Variants in DPYD observed in about 807,000 individuals in gnomAD.
DPYD encodes the protein dihydropyrimidine dehydrogenase [NADP(+)].
A neutral mutation model predicts 116.2 loss-of-function variants in DPYD; 109 were observed. That is an observed-to-expected ratio of 0.94 (90% confidence interval 0.80 to 1.10). The LOEUF (loss-of-function observed/expected upper bound fraction) is 1.10. Ranked by LOEUF, DPYD falls within the 50% of genes least tolerant of loss-of-function variation. The pLI is 0.00. For missense variants in DPYD, 1,302 were observed against 1,254.5 expected (o/e 1.04, Z -0.57); for synonymous variants, 440 against 432.0 (o/e 1.02, Z -0.23).
intron 20 of DPYD, among the ~76,000 whole-genome samples, chr1:97,159,388 A>C (rs1655721259): frequency 6.6e-6 from 1 of 152,036 alleles, no homozygotes; most frequent in East Asian, 1.9e-4. Flanking sequence ...AATCTGAAAA[A>C]CAGAGAAACT....
intron 20 of DPYD, among the ~76,000 whole-genome samples, chr1:97,164,658 G>C (rs1190056208): frequency 6.6e-6 from 1 of 152,114 alleles, no homozygotes; most frequent in South Asian, 2.1e-4. Flanking sequence ...GCCATATCAG[G>C]AAGGCAATCC....
At chr1:97,252,574 C>A (rs1221669076) in intron 18 of DPYD, among the ~76,000 whole-genome samples, 1 of 152,080 alleles carries the variant, frequency 6.6e-6, no homozygotes, top group Non-Finnish European at 1.5e-5. Context: ...TATGTTAAAT[C>A]TAGTTACAGA....
chr1:97,372,767 A>G (rs1671371457), intron 16 of DPYD, among the ~76,000 whole-genome samples: 1 of 152,084 alleles, frequency 6.6e-6, no homozygotes, highest in Non-Finnish European at 1.5e-5. Context: ...GTGGGGACCT[A>G]CTAAGTACAA....
intron 2 of DPYD, among the ~76,000 whole-genome samples, chr1:97,881,214 G>A (rs1356276605): frequency 6.6e-6 from 1 of 151,994 alleles, no homozygotes; most frequent in African/African-American, 2.4e-5. Context: ...AAGTTAAAAT[G>A]AGGTTATTAG....
rs551597942 is a variant in DPYD, at chr1:97,644,117, A to C, written c.850+34978T>G. Reference sequence around the variant, plus strand: ...AAAATTGTATTTTTAAAATCTGAAAAAAAAAGAATCATCCTTTATTTGAGC... The same window carrying C: ...AAAATTGTATTTTTAAAATCTGAAACAAAAAGAATCATCCTTTATTTGAGC... On this transcript the variant is annotated intron_variant, in intron 8 of 22. Coordinates refer to ENST00000370192, the MANE Select transcript of DPYD (RefSeq NM_000110.4). Among the ~76,000 whole-genome samples, 4 of 152,232 alleles carry C rather than the reference A, an allele frequency of 2.6e-5. No individual in the cohort carries two copies. The East Asian group carries it at 7.7e-4, about 29-fold the overall frequency.
intron 20 of DPYD, among the ~76,000 whole-genome samples, chr1:97,188,536 C>A (rs1435341462): frequency 1.3e-5 from 2 of 152,042 alleles, no homozygotes; most frequent in African/African-American, 2.4e-5. Flanking sequence ...ACCTGCAGCA[C>A]TGGACAAGAA....
At chr1:97,574,081 C>G in intron 10 of DPYD, 111 bp from the exon 11 acceptor site, 1 of 1,511,352 alleles carries the variant, frequency 6.6e-7, no homozygotes, top group African/African-American at 1.4e-5. Flanking sequence ...AGTCAATATG[C>G]AGCTTTTTCT....
intron 12 of DPYD, chr1:97,545,892 T>A: frequency 1.9e-6 from 2 of 1,076,160 alleles, no homozygotes; most frequent in South Asian, 1.2e-5. Context: ...ATAAGAAGTA[T>A]AAAATTTAAA....
At chr1:97,323,479 A>G (rs1374469174) in intron 16 of DPYD, among the ~76,000 whole-genome samples, 9 of 125,840 alleles carry the variant, frequency 7.2e-5, no homozygotes, top group South Asian at 5.1e-4. Flanking sequence ...ATGTGTATAT[A>G]TACACGTATA....
chr1:97,355,513 T>C (rs1670384284), intron 16 of DPYD, among the ~76,000 whole-genome samples: 1 of 152,174 alleles, frequency 6.6e-6, no homozygotes, highest in South Asian at 2.1e-4. Context: ...TTATTATTCC[T>C]GTCTAATTGA....
At position 97,693,290 on chromosome 1, in the gene DPYD, C is replaced by CAA. The variant is rs201872835; in HGVS notation, c.681-1494_681-1493dup. On this transcript the variant is annotated intron_variant, in intron 6 of 22. Coordinates refer to ENST00000370192, the MANE Select transcript of DPYD (RefSeq NM_000110.4). The stretch of plus-strand genomic sequence containing the variant: ...TGGGCGACAGAGCCAGACTCCGTCT[C>CAA]AAAAAAAAAAAAAAAAAAAAAAAAA... 2.9e-3 allele frequency among the ~76,000 whole-genome samples: 121 copies of CAA among 41,770 alleles called. 3 individuals are homozygous for CAA. The highest frequency in any genetic ancestry group is 0.011 in the African/African-American group (79 of 7,164). 27.4% of individuals were successfully genotyped at this position (41,770 alleles called of 152,430 possible).
chr1:97,704,547 T>C (rs1661795361), intron 5 of DPYD, among the ~76,000 whole-genome samples: 1 of 152,030 alleles, frequency 6.6e-6, no homozygotes, highest in African/African-American at 2.4e-5. Flanking sequence ...ATAATATTTT[T>C]CATTCCTTTT....
At chr1:97,836,466 G>C (rs1171901016) in intron 2 of DPYD, among the ~76,000 whole-genome samples, 1 of 152,232 alleles carries the variant, frequency 6.6e-6, no homozygotes, top group South Asian at 2.1e-4. Flanking sequence ...ATGATGTACT[G>C]TAATAACACC....
At chr1:97,730,476 G>A (rs141768275) in intron 4 of DPYD, among the ~76,000 whole-genome samples, 6 of 151,926 alleles carry the variant, frequency 3.9e-5, no homozygotes, top group African/African-American at 9.7e-5. Flanking sequence ...CAGCCGCCTC[G>A]GCCTCCCAAA....
rs532433331 is a variant in DPYD at position 97,531,432 on chromosome 1, T to C, written c.1525-15491A>G. Among the ~76,000 whole-genome samples the C allele has an allele frequency of 6.6e-5, 10 of 152,328 alleles. No homozygotes were observed. The East Asian group carries it at 1.7e-3, about 26-fold the overall frequency. On this transcript the variant is annotated intron_variant, in intron 12 of 22. Transcript: ENST00000370192. ...GTATTGAAAGTCATTGTATATGTTG[T>C]ATAGTTGACTGTACATGACATGGCT...
chr1:97,847,685 T>C (rs1053049798), intron 2 of DPYD, among the ~76,000 whole-genome samples: 3 of 152,176 alleles, frequency 2.0e-5, no homozygotes, highest in Non-Finnish European at 2.9e-5. Context: ...GTGTATGACA[T>C]TAATCAGGAG....
intron 14 of DPYD, among the ~76,000 whole-genome samples, chr1:97,427,001 T>C (rs1674903123): frequency 6.6e-6 from 1 of 152,092 alleles, no homozygotes; most frequent in Admixed American, 6.6e-5. Context: ...GATTCAGAGT[T>C]GGTAGAAGAA....
chr1:97,253,424 C>T (rs927069399), intron 18 of DPYD, among the ~76,000 whole-genome samples: 2 of 152,230 alleles, frequency 1.3e-5, no homozygotes, highest in Non-Finnish European at 1.5e-5. Context: ...CATGTCTCAA[C>T]TAACTCTTTC....
intron 3 of DPYD, among the ~76,000 whole-genome samples, chr1:97,807,435 A>G (rs1668126976): frequency 6.6e-6 from 1 of 152,050 alleles, no homozygotes; most frequent in Non-Finnish European, 1.5e-5. Context: ...CCATCTGTAT[A>G]TCTTTCTTGA....
Sources: allele counts gnomAD v4.1 joint callset (sites outside exome capture counted in the v4.1 genomes callset), GRCh38; gene constraint gnomAD v4.1.1; transcripts MANE v1.5; gene names NCBI Gene and HGNC (gene_info 2026-07-23, HGNC 2026-07-21).